Variants in PRKG1 observed in about 807,000 individuals in gnomAD.
PRKG1 encodes the protein cGMP-dependent protein kinase 1.
A neutral mutation model predicts 88.1 loss-of-function variants in PRKG1; 35 were observed. That is an observed-to-expected ratio of 0.40 (90% confidence interval 0.30 to 0.53). The LOEUF is 0.53. PRKG1 is among the 20% of genes least tolerant of loss of function. The probability of loss-of-function intolerance (pLI) is 0.59; values close to 1 mark genes in which losing one functional copy is unlikely to be tolerated. For synonymous variants in PRKG1, 303 were observed against 292.5 expected, an observed-to-expected ratio of 1.04 and a Z score of -0.37; for missense variants, 540 against 839.8, an observed-to-expected ratio of 0.64 and a Z score of 4.41.
At chr10:51,495,860 G>A (rs2132881083) in intron 3 of PRKG1, among the ~76,000 whole-genome samples, 1 of 152,300 alleles carries the variant, frequency 6.6e-6, no homozygotes, top group Non-Finnish European at 1.5e-5. Context: ...GTATGATTGA[G>A]GGGATAGTTG....
intron 9 of PRKG1, among the ~76,000 whole-genome samples, chr10:52,208,666 G>T (rs1839881135): frequency 6.6e-6 from 1 of 152,172 alleles, no homozygotes; most frequent in Admixed American, 6.5e-5. Flanking sequence ...TAAGAGAAAG[G>T]AAATTGTAGA....
In PRKG1 at chr10:51,439,123, C is replaced by T. The variant is rs556609038; in HGVS notation, c.479-28600C>T. On this transcript the variant is annotated intron_variant, in intron 2 of 17. Coordinates refer to ENST00000373980, the MANE Select transcript of PRKG1 (RefSeq NM_006258.4). The stretch of plus-strand genomic sequence containing the variant: ...ATAGGTAGTTGCAGAGAATGTTTCG[C>T]CCCCCCTTACGAACATGTCATGACT... Among the ~76,000 whole-genome samples, 10 of 151,522 alleles carry T rather than the reference C, an allele frequency of 6.6e-5. No homozygotes were observed. The South Asian group carries it at 1.7e-3, about 25-fold the overall frequency.
intron 3 of PRKG1, among the ~76,000 whole-genome samples, chr10:51,754,408 A>G (rs192168598): frequency 6.6e-6 from 1 of 152,200 alleles, no homozygotes; most frequent in Admixed American, 6.5e-5. Flanking sequence ...TGTTCTTTCA[A>G]TTACTTCCCT....
intron 2 of PRKG1, among the ~76,000 whole-genome samples, chr10:51,343,630 GAAT>G (rs1260084480): frequency 3.9e-5 from 6 of 151,956 alleles, no homozygotes; most frequent in Non-Finnish European, 8.8e-5. Flanking sequence ...TTAATAAAAT[GAAT>G]AATTTTATAA....
intron 3 of PRKG1, among the ~76,000 whole-genome samples, chr10:51,708,917 A>G (rs1274982591): frequency 6.6e-6 from 1 of 152,128 alleles, no homozygotes; most frequent in Non-Finnish European, 1.5e-5. Flanking sequence ...CATACTGGTT[A>G]CTGCTGAATG....
intron 6 of PRKG1, 57 bp downstream of exon 6, chr10:52,054,618 A>C: frequency 6.9e-7 from 1 of 1,454,132 alleles, no homozygotes; most frequent in African/African-American, 1.4e-5. Context: ...GTTGGTTAGT[A>C]ACTCCAGTAG....
chr10:51,907,679 A>AT, intron 5 of PRKG1, 109 bp downstream of exon 5: 1 of 999,254 alleles, frequency 1.0e-6, no homozygotes, highest in Non-Finnish European at 1.5e-6. Flanking sequence ...TCTTTAAAAA[A>AT]TTTCTAAGCT....
chr10:51,837,825 G>T (rs1392768587), intron 4 of PRKG1, among the ~76,000 whole-genome samples: 1 of 152,136 alleles, frequency 6.6e-6, no homozygotes, highest in East Asian at 1.9e-4. Flanking sequence ...TGATTAGATG[G>T]TTTAGGATAC....
chr10:51,008,014 G>T (rs980656849), intron 1 of PRKG1, among the ~76,000 whole-genome samples: 2 of 152,130 alleles, frequency 1.3e-5, no homozygotes, highest in African/African-American at 4.8e-5. Flanking sequence ...AAGGCTTGCT[G>T]GTCCAAGACG....
Position 51,506,989 on chromosome 10 carries a change from A to C in PRKG1, c.592+39153A>C, listed in dbSNP as rs1421703302. ...TGCAGCCATAAAAAAGGATTAGTTC[A>C]TGTCCTTTGTAGGGACATGGATGAA... On this transcript the variant is annotated intron_variant, in intron 3 of 17. Coordinates refer to ENST00000373980, the MANE Select transcript of PRKG1 (RefSeq NM_006258.4). Among the ~76,000 whole-genome samples the C allele has an allele frequency of 2.6e-5, 4 of 152,188 alleles. No homozygotes were observed. In the South Asian group the frequency reaches 8.3e-4, roughly 32 times the overall value.
intron 2 of PRKG1, among the ~76,000 whole-genome samples, chr10:51,323,237 T>C (rs905889892): frequency 6.6e-6 from 1 of 152,234 alleles, no homozygotes; most frequent in African/African-American, 2.4e-5. Flanking sequence ...CACAGTAATT[T>C]GTTTCCTCAA....
intron 10 of PRKG1, among the ~76,000 whole-genome samples, chr10:52,260,455 C>T (rs1160944915): frequency 6.6e-6 from 1 of 152,028 alleles, no homozygotes; most frequent in Non-Finnish European, 1.5e-5. Context: ...GTATGTGATC[C>T]TCTGTTTCAT....
chr10:51,964,276 C>A (rs564895012), intron 5 of PRKG1, among the ~76,000 whole-genome samples: 2 of 152,198 alleles, frequency 1.3e-5, no homozygotes, highest in African/African-American at 4.8e-5. Context: ...AGTAAAGTAA[C>A]GTGCATAGGT....
intron 3 of PRKG1, among the ~76,000 whole-genome samples, chr10:51,661,832 A>G (rs1260308180): frequency 3.5e-4 from 53 of 152,220 alleles, no homozygotes; most frequent in Non-Finnish European, 1.8e-4. Context: ...ACCAACCCAA[A>G]TGTCCATCAA....
At chr10:52,117,204 G>A (rs1847710622) in intron 7 of PRKG1, among the ~76,000 whole-genome samples, 1 of 149,566 alleles carries the variant, frequency 6.7e-6, no homozygotes. Context: ...GTGTGTGTAT[G>A]ATTGGTAGCT....
chr10:52,178,397 T>G (rs1280484108), intron 9 of PRKG1, among the ~76,000 whole-genome samples: 2 of 152,118 alleles, frequency 1.3e-5, no homozygotes, highest in Non-Finnish European at 2.9e-5. Flanking sequence ...TTTTTTAATA[T>G]TTTGAGAATT....
chr10:52,269,277 A>C (rs1419058370), intron 10 of PRKG1, among the ~76,000 whole-genome samples: 1 of 152,090 alleles, frequency 6.6e-6, no homozygotes, highest in African/African-American at 2.4e-5. Context: ...GATTTCTTTT[A>C]GAAGTGAGTT....
intron 3 of PRKG1, among the ~76,000 whole-genome samples, chr10:51,584,117 CATTA>C (rs1269362847): frequency 6.6e-6 from 1 of 152,034 alleles, no homozygotes; most frequent in Non-Finnish European, 1.5e-5. Flanking sequence ...AATTAGTTTC[CATTA>C]ATTAATTTGT....
intron 3 of PRKG1, among the ~76,000 whole-genome samples, chr10:51,797,623 T>C (rs71508091): frequency 0.032 from 4,741 of 148,228 alleles, 119 homozygotes; most frequent in South Asian, 0.053. Flanking sequence ...AAAATACATA[T>C]GTAATAAACT....
Sources: allele counts gnomAD v4.1 joint callset (sites outside exome capture counted in the v4.1 genomes callset), GRCh38; gene constraint gnomAD v4.1.1; transcripts MANE v1.5; gene names NCBI Gene and HGNC (gene_info 2026-07-23, HGNC 2026-07-21).